The following SEC14L5 variants were observed in gnomAD, a reference collection of about 807,000 sequenced individuals.
SEC14L5 encodes the protein SEC14-like protein 5.
SEC14L5 carries 96 observed loss-of-function variants against 84.6 expected under a neutral mutation model. That is an observed-to-expected ratio of 1.13 (90% CI 0.96 to 1.34). The LOEUF (loss-of-function observed/expected upper bound fraction) is 1.34. Ranked by LOEUF, SEC14L5 falls within the 40% of genes most tolerant of loss-of-function variation. The pLI is 0.00. For synonymous variants in SEC14L5, 546 were observed against 383.4 expected, an observed-to-expected ratio of 1.42 and a Z score of -4.95; for missense variants, 1,224 against 942.5, an observed-to-expected ratio of 1.30 and a Z score of -3.91.
At position 4,987,569 on chromosome 16, in the gene SEC14L5, C is replaced by T. The variant is rs1382281176; in HGVS notation, c.76C>T (p.Arg26Cys). The T allele has an allele frequency of 2.6e-6, 4 of 1,557,574 alleles. No homozygotes were observed. The Admixed American group carries it at 7.6e-5, about 30-fold the overall frequency. The change falls in exon 3 of 16, where the codon CGT becomes TGT. Residue 26 changes from arginine (R) to cysteine (C), a missense_variant. By Grantham distance (180) the Arg-to-Cys change is radical. Transcript: ENST00000251170. ...FELVMAAYEK[R>C]FPTCPQIPVF... ...GCTCTGCCCCCAGGCCTACGAGAAG[C>T]GTTTCCCCACGTGCCCACAGATCCC...
At chr16:4,963,774 C>T (rs1955159326) in intron 2 of SEC14L5, among the ~76,000 whole-genome samples, 1 of 152,250 alleles carries the variant, frequency 6.6e-6, no homozygotes, top group South Asian at 2.1e-4. Flanking sequence ...CTGCCTTAGT[C>T]TCCAGAGTAC....
In SEC14L5 at chr16:4,991,985, C is replaced by T. The variant is rs764209456; in HGVS notation, c.622C>T (p.Pro208Ser). 1.0e-5 allele frequency: 16 copies of T among 1,584,400 alleles called. No individual in the cohort carries two copies. Among genetic ancestry groups the T allele is most frequent in the African/African-American group, 5.4e-5 (4 of 74,542 alleles). Residue 208 changes from proline to serine, a missense_variant, in exon 6 of 16, where the codon CCC becomes TCC. Transcript: ENST00000251170. The part of the protein sequence containing the change: ...RDPSSLEAHG[P>S]RSTLGPALEA... Reference sequence around the variant, plus strand: ...CCCCAGCTCCCTGGAGGCCCACGGGCCCCGTAGCACCCTGGGGCCCGCTCT... The same window carrying T: ...CCCCAGCTCCCTGGAGGCCCACGGGTCCCGTAGCACCCTGGGGCCCGCTCT...
Position 5,007,403 on chromosome 16 carries a change from G to C in SEC14L5, c.1489G>C (p.Glu497Gln). 6.2e-7 allele frequency: 1 copy of C among 1,613,868 alleles called. No homozygotes were observed. The change falls in exon 13 of 16, where the codon GAG becomes CAG. Residue 497 changes from glutamate (E) to glutamine (Q), a missense_variant. Coordinates refer to ENST00000251170, the MANE Select transcript of SEC14L5 (RefSeq NM_014692.2). ...CCCCAAGTCCCTCTACATGACAGAA[G>C]AGGAGCAGGAGCACACGGACCAGCT... Reference protein sequence around the residue: ...LVPKSLYMTEEEQEHTDQLWQ... With the variant: ...LVPKSLYMTEQEQEHTDQLWQ...
At chr16:5,003,628 G>C in intron 11 of SEC14L5, 55 bp downstream of exon 11, 1 of 921,186 alleles carries the variant, frequency 1.1e-6, no homozygotes, top group Non-Finnish European at 1.7e-6. Flanking sequence ...GGATGGGAGG[G>C]GTTCCGTCTG....
chr16:4,973,684 T>C (rs552262157), intron 2 of SEC14L5, among the ~76,000 whole-genome samples: 14 of 148,032 alleles, frequency 9.5e-5, no homozygotes, highest in Admixed American at 4.0e-4. Context: ...CTGTCTCTTT[T>C]TTTTTTTTTT....
At chr16:4,979,916 C>T (rs1207632531) in intron 2 of SEC14L5, among the ~76,000 whole-genome samples, 1 of 152,232 alleles carries the variant, frequency 6.6e-6, no homozygotes, top group Non-Finnish European at 1.5e-5. Flanking sequence ...TTCTCCAGGT[C>T]CCCTGCTTTG....
At chr16:5,001,037 C>T (rs1274518321) in intron 10 of SEC14L5, 112 bp downstream of exon 10, 7 of 822,174 alleles carry the variant, frequency 8.5e-6, no homozygotes, top group African/African-American at 5.1e-5. Context: ...GCTTCATTCT[C>T]CCCCAGTTTC....
intron 15 of SEC14L5, among the ~76,000 whole-genome samples, 157 bp downstream of exon 15, chr16:5,011,430 A>C (rs910388313): frequency 2.0e-5 from 3 of 152,152 alleles, no homozygotes; most frequent in Admixed American, 6.6e-5. Context: ...ACAGCCCCGC[A>C]CTAGGGTGTG....
At chr16:5,009,800 T>C (rs1955778629) in intron 14 of SEC14L5, among the ~76,000 whole-genome samples, 1 of 152,108 alleles carries the variant, frequency 6.6e-6, no homozygotes, top group African/African-American at 2.4e-5. Flanking sequence ...TTCAAGTGGC[T>C]TCAGTATGGA....
intron 2 of SEC14L5, among the ~76,000 whole-genome samples, chr16:4,970,993 A>T (rs528734393): frequency 6.6e-6 from 1 of 152,080 alleles, no homozygotes; most frequent in South Asian, 2.1e-4. Flanking sequence ...CTGTAGTCCC[A>T]GCTACGCGGG....
At chr16:4,965,964 C>T (rs1220288230) in intron 2 of SEC14L5, among the ~76,000 whole-genome samples, 4 of 152,020 alleles carry the variant, frequency 2.6e-5, no homozygotes, top group Non-Finnish European at 5.9e-5. Flanking sequence ...ATCACTTGAG[C>T]CCAGGAGATT....
At chr16:4,963,847 T>C (rs1330605549) in intron 2 of SEC14L5, among the ~76,000 whole-genome samples, 1 of 151,952 alleles carries the variant, frequency 6.6e-6, no homozygotes, top group Non-Finnish European at 1.5e-5. Flanking sequence ...TTCTACTATA[T>C]AAAAATTTAT....
At chr16:4,985,386 CA>C (rs1192804653) in intron 2 of SEC14L5, among the ~76,000 whole-genome samples, 1 of 152,064 alleles carries the variant, frequency 6.6e-6, no homozygotes, top group Non-Finnish European at 1.5e-5. Context: ...CTACTATGCC[CA>C]GCTAATTTTT....
chr16:4,969,583 C>T (rs1022315088), intron 2 of SEC14L5, among the ~76,000 whole-genome samples: 2 of 152,030 alleles, frequency 1.3e-5, no homozygotes, highest in Non-Finnish European at 2.9e-5. Context: ...GGGGTTTCAC[C>T]ACATTGGTCA....
rs1235301101 is a variant in SEC14L5 at position 5,018,376 on chromosome 16, GCTT to G, written c.*3407_*3409del. ...GTGCAGTCTTTCTCTTTTAGAAACT[GCTT>G]GTGTGGGCGGGGCGTGGTGGCTCAT... On this transcript the variant is annotated 3_prime_UTR_variant, in exon 16 of 16. Transcript: ENST00000251170. 1.3e-5 allele frequency: 2 copies of G among 152,234 alleles called. No homozygotes were observed. Among genetic ancestry groups the G allele is most frequent in the Non-Finnish European group, 2.9e-5 (2 of 68,058 alleles). 9.4% of individuals were successfully genotyped at this position (152,234 alleles called of 1,614,324 possible). A position where few individuals can be genotyped will look rare whatever the true frequency, so the allele number is the denominator to read the frequency against.
rs777069425 is a variant in SEC14L5, at chr16:4,988,205, G to T, written c.270G>T (p.Glu90Asp). 6.2e-7 allele frequency: 1 copy of T among 1,613,682 alleles called. No homozygotes were observed. The change falls in exon 4 of 16, where the codon GAG becomes GAT. Residue 90 changes from glutamate (E) to aspartate (D), a missense_variant. Coordinates refer to ENST00000251170, the MANE Select transcript of SEC14L5 (RefSeq NM_014692.2). ...FVQTNILNWK[E>D]RTLLIEAHNE... ...AGACAAACATCTTGAACTGGAAGGAGAGGACGCTCCTCATCGAAGCGCACA... is the reference window on the plus strand; with the variant it reads ...AGACAAACATCTTGAACTGGAAGGATAGGACGCTCCTCATCGAAGCGCACA...
chr16:5,014,215 G>A (rs1424642452), intron 15 of SEC14L5, among the ~76,000 whole-genome samples: 1 of 152,246 alleles, frequency 6.6e-6, no homozygotes, highest in Non-Finnish European at 1.5e-5. Context: ...CCAGTGGCTG[G>A]TGTGTTGGAC....
intron 2 of SEC14L5, 39 bp from the exon 3 acceptor site, chr16:4,987,518 C>G: frequency 2.0e-6 from 3 of 1,471,964 alleles, no homozygotes; most frequent in Non-Finnish European, 2.7e-6. Context: ...GTCCCTCTGC[C>G]CCCCCCACCA....
intron 4 of SEC14L5, among the ~76,000 whole-genome samples, chr16:4,990,377 C>G (rs55765071): frequency 0.25 from 38,009 of 152,106 alleles, 5,333 homozygotes; most frequent in Admixed American, 0.29. Flanking sequence ...TGGCCAGGCT[C>G]GTCTCCAAGT....
Sources: allele counts gnomAD v4.1 joint callset (sites outside exome capture counted in the v4.1 genomes callset), GRCh38; gene constraint gnomAD v4.1.1; transcripts MANE v1.5; gene names NCBI Gene and HGNC (gene_info 2026-07-23, HGNC 2026-07-21).